CCDC15: variants seen among roughly 807,000 people sequenced by gnomAD.
CCDC15 encodes coiled-coil domain containing 15.
CCDC15 carries 105 observed loss-of-function variants against 114.5 expected under a neutral mutation model. The observed-to-expected ratio is 0.92, with a 90% CI of 0.78 to 1.08. CCDC15 has a LOEUF of 1.08. Ranked by LOEUF, CCDC15 falls within the 50% of genes least tolerant of loss-of-function variation. The pLI is 0.00. For synonymous variants in CCDC15, 334 were observed against 377.8 expected, an observed-to-expected ratio of 0.88 and a Z score of 1.34; for missense variants, 1,105 against 1,093.6, an observed-to-expected ratio of 1.01 and a Z score of -0.15.
intron 14 of CCDC15, 84 bp from the exon 15 acceptor site, chr11:125,038,837 A>T (rs1948795023): frequency 1.4e-6 from 2 of 1,416,438 alleles, no homozygotes; most frequent in Non-Finnish European, 2.0e-6. Flanking sequence ...TAGATTTAAC[A>T]GTTAAATCTG....
In CCDC15 at chr11:125,034,734, TAG is replaced by T. The variant is rs374364053; in HGVS notation, c.2412-3696_2412-3695del. Among the ~76,000 whole-genome samples, 271 of 152,282 alleles carry T rather than the reference TAG, an allele frequency of 1.8e-3. 1 individual carries two copies. The highest frequency in any genetic ancestry group is 6.0e-3 in the African/African-American group (250 of 41,550). On this transcript the variant is annotated intron_variant, in intron 13 of 15. Transcript: ENST00000344762. ...TCTAAACAGTTCGTGCCAGGGACCA[TAG>T]TGTTCTCCATACTATTAGAAGTAGA...
rs758516557 is a variant in CCDC15 at position 124,991,468 on chromosome 11, AC to A, written c.1917del (p.Phe640LeufsTer8). Reference sequence around the variant, plus strand: ...TATTATTTTATCTTTTAGAAAGTACACTTTAAGGAGCCATACTCTGATATGA... The same window carrying A: ...TATTATTTTATCTTTTAGAAAGTACATTTAAGGAGCCATACTCTGATATGA... ...QDFLPKYQKV[H>X]FKEPYSDMTD... On this transcript the variant is annotated frameshift_variant, in exon 9 of 16. Coordinates refer to ENST00000344762, the MANE Select transcript of CCDC15 (RefSeq NM_025004.3). LOFTEE classifies it high-confidence loss of function. 49 of 1,539,070 alleles carry A rather than the reference AC, an allele frequency of 3.2e-5. No homozygotes were observed. The highest frequency in any genetic ancestry group is 4.2e-5 in the Non-Finnish European group (48 of 1,132,606).
intron 12 of CCDC15, among the ~76,000 whole-genome samples, chr11:125,004,716 A>G (rs1484488692): frequency 6.6e-6 from 1 of 152,034 alleles, no homozygotes; most frequent in Non-Finnish European, 1.5e-5. Context: ...CTAGGCTTAG[A>G]GTATGCTTTT....
chr11:124,999,277 G>A (rs1261364332), intron 11 of CCDC15, among the ~76,000 whole-genome samples: 1 of 152,122 alleles, frequency 6.6e-6, no homozygotes, highest in East Asian at 1.9e-4. Flanking sequence ...CAGGTATGAT[G>A]AACATTTTCA....
At chr11:124,958,053 A>G (rs1012532392) in intron 2 of CCDC15, among the ~76,000 whole-genome samples, 6 of 152,226 alleles carry the variant, frequency 3.9e-5, no homozygotes, top group Non-Finnish European at 8.8e-5. Context: ...CTCATCTGTA[A>G]CATAAGGGAT....
intron 11 of CCDC15, among the ~76,000 whole-genome samples, chr11:124,997,629 T>C (rs531786502): frequency 6.6e-6 from 1 of 152,210 alleles, no homozygotes; most frequent in South Asian, 2.1e-4. Context: ...AGCAAAATAT[T>C]GGTGGAAATG....
chr11:124,991,184 CA>C (rs1948262755), intron 8 of CCDC15, among the ~76,000 whole-genome samples: 1 of 152,160 alleles, frequency 6.6e-6, no homozygotes, highest in African/African-American at 2.4e-5. Flanking sequence ...ATCTTCTATG[CA>C]GGCATCATCA....
intron 13 of CCDC15, among the ~76,000 whole-genome samples, chr11:125,005,923 C>A (rs891201122): frequency 6.6e-6 from 1 of 151,984 alleles, no homozygotes. Flanking sequence ...TGAATAATAT[C>A]CCATTATCTG....
chr11:124,960,514 G>C (rs1336358784), intron 4 of CCDC15, among the ~76,000 whole-genome samples: 1 of 152,012 alleles, frequency 6.6e-6, no homozygotes. Flanking sequence ...AAGAAGTTCA[G>C]TATACATAGG....
intron 4 of CCDC15, among the ~76,000 whole-genome samples, chr11:124,966,189 A>G (rs529913752): frequency 3.5e-4 from 53 of 152,298 alleles, no homozygotes; most frequent in African/African-American, 1.1e-3. Flanking sequence ...CAAGTCCTGT[A>G]TATCCTTGTT....
intron 13 of CCDC15, among the ~76,000 whole-genome samples, chr11:125,030,007 G>T (rs533632607): frequency 6.6e-6 from 1 of 152,296 alleles, no homozygotes; most frequent in Non-Finnish European, 1.5e-5. Flanking sequence ...AGCCCAAATT[G>T]TCCAGGTAGC....
At chr11:124,991,902 T>A (rs1483951588) in intron 9 of CCDC15, among the ~76,000 whole-genome samples, 1 of 152,192 alleles carries the variant, frequency 6.6e-6, no homozygotes, top group Non-Finnish European at 1.5e-5. Flanking sequence ...CAGGCGGGTC[T>A]CGAACTCCTG....
At chr11:125,018,624 A>G (rs1411046656) in intron 13 of CCDC15, among the ~76,000 whole-genome samples, 1 of 152,000 alleles carries the variant, frequency 6.6e-6, no homozygotes, top group Non-Finnish European at 1.5e-5. Context: ...AGTTTCCTCT[A>G]TATACAATAA....
chr11:124,972,339 T>G (rs905591637), intron 4 of CCDC15, among the ~76,000 whole-genome samples: 6 of 152,210 alleles, frequency 3.9e-5, no homozygotes, highest in Admixed American at 3.9e-4. Flanking sequence ...CATATGCATA[T>G]GTACATTTAA....
chr11:124,979,377 T>C (rs760159695), intron 6 of CCDC15, among the ~76,000 whole-genome samples: 8 of 152,228 alleles, frequency 5.3e-5, no homozygotes, highest in Admixed American at 6.5e-5. Context: ...TTGGGCAGTA[T>C]GGCCATTTTA....
chr11:125,011,736 T>A (rs1398662906), intron 13 of CCDC15, among the ~76,000 whole-genome samples: 1 of 152,162 alleles, frequency 6.6e-6, no homozygotes, highest in Non-Finnish European at 1.5e-5. Context: ...TACAAGTTTA[T>A]GTACCTTACA....
chr11:124,956,446 A>T (rs1947551080), intron 2 of CCDC15, among the ~76,000 whole-genome samples: 1 of 152,060 alleles, frequency 6.6e-6, no homozygotes, highest in Non-Finnish European at 1.5e-5. Flanking sequence ...ATCTCTGGAA[A>T]AAAAAAAGGA....
chr11:124,994,906 T>C (rs1663884302), intron 11 of CCDC15, among the ~76,000 whole-genome samples: 1 of 152,130 alleles, frequency 6.6e-6, no homozygotes, highest in African/African-American at 2.4e-5. Flanking sequence ...ACCAGCAGTG[T>C]TAGGCTGTGT....
intron 11 of CCDC15, among the ~76,000 whole-genome samples, chr11:124,994,228 G>A (rs1178310215): frequency 6.6e-6 from 1 of 152,144 alleles, no homozygotes; most frequent in Non-Finnish European, 1.5e-5. Flanking sequence ...GTGGCCATTA[G>A]CACCTTTCAC....
Sources: allele counts gnomAD v4.1 joint callset (sites outside exome capture counted in the v4.1 genomes callset), GRCh38; gene constraint gnomAD v4.1.1; transcripts MANE v1.5; gene names NCBI Gene and HGNC (gene_info 2026-07-23, HGNC 2026-07-21).